The following TPPP variants were observed in gnomAD, a reference collection of about 807,000 sequenced individuals.
TPPP encodes the protein tubulin polymerization promoting protein, also known as tubulin polymerization-promoting protein.
TPPP carries 6 observed loss-of-function variants against 15.5 expected under a neutral mutation model. That is an observed-to-expected ratio of 0.39 (90% CI 0.21 to 0.77). TPPP has a LOEUF of 0.77. TPPP is among the 30% of genes least tolerant of loss of function. TPPP has a pLI of 0.42. For missense variants in TPPP, 269 were observed against 307.2 expected (o/e 0.88, Z 0.93); for synonymous variants, 146 against 133.9 (o/e 1.09, Z -0.63).
intron 2 of TPPP, among the ~76,000 whole-genome samples, chr5:674,714 G>A (rs1409269233): frequency 7.9e-5 from 12 of 151,988 alleles, no homozygotes; most frequent in Admixed American, 7.8e-4. Flanking sequence ...GCTGCTGCAG[G>A]AGGCTGCAGG....
intron 2 of TPPP, among the ~76,000 whole-genome samples, chr5:672,104 G>A (rs564783540): frequency 6.6e-6 from 1 of 152,368 alleles, no homozygotes; most frequent in Admixed American, 6.5e-5. Context: ...CTCCTGGGAG[G>A]TGGTTGGGTT....
intron 2 of TPPP, among the ~76,000 whole-genome samples, chr5:668,073 CT>C (rs1230981314): frequency 0.031 from 627 of 20,114 alleles, 197 homozygotes; most frequent in Non-Finnish European, 0.036. Context: ...GACAAGCACA[CT>C]GGAGAGGGGT....
chr5:671,563 C>T (rs542235882), intron 2 of TPPP, among the ~76,000 whole-genome samples: 1 of 152,346 alleles, frequency 6.6e-6, no homozygotes, highest in South Asian at 2.1e-4. Context: ...TGGCCAAGCG[C>T]AGGAGACGGG....
chr5:678,730 C>G (rs1561089772), intron 1 of TPPP, among the ~76,000 whole-genome samples: 3 of 152,072 alleles, frequency 2.0e-5, no homozygotes, highest in Non-Finnish European at 4.4e-5. Context: ...AGGGCTGAGG[C>G]AGTGGTGGGG....
Position 682,887 on chromosome 5 carries a change from G to T in TPPP, c.-4-4823C>A, listed in dbSNP as rs993586291. On this transcript the variant is annotated intron_variant, in intron 1 of 3. Transcript: ENST00000360578. ...TCAGCAGTGCTGGGTCAAAGCTGGA[G>T]GCAGGAGCCATGGAGTCAGTGGGAG... Among the ~76,000 whole-genome samples, 16 of 152,322 alleles carry T rather than the reference G, an allele frequency of 1.1e-4. 1 individual carries two copies. Among genetic ancestry groups the T allele is most frequent in the Admixed American group, 9.8e-4 (15 of 15,314 alleles).
chr5:667,657 G>A (rs1739977159), intron 2 of TPPP, among the ~76,000 whole-genome samples: 2 of 152,194 alleles, frequency 1.3e-5, no homozygotes, highest in Admixed American at 1.3e-4. Flanking sequence ...CCTGAGAAAG[G>A]ACTTGTCTCT....
intron 1 of TPPP, among the ~76,000 whole-genome samples, chr5:684,258 A>G (rs1414754359): frequency 6.6e-6 from 1 of 152,224 alleles, no homozygotes; most frequent in Admixed American, 6.5e-5. Flanking sequence ...GATCGGGACC[A>G]GGGGGAAGCA....
At chr5:680,502 C>T (rs1360151241) in intron 1 of TPPP, among the ~76,000 whole-genome samples, 1 of 139,890 alleles carries the variant, frequency 7.1e-6, no homozygotes, top group Non-Finnish European at 1.5e-5. Context: ...CGTCAACAGC[C>T]GAGAAGAAGT....
chr5:672,742 G>A (rs999292894), intron 2 of TPPP, among the ~76,000 whole-genome samples: 8 of 152,236 alleles, frequency 5.3e-5, no homozygotes, highest in South Asian at 2.1e-4. Context: ...CCCGTGGTCC[G>A]GTCCCGCCTG....
At chr5:685,550 G>C (rs1386437923) in intron 1 of TPPP, among the ~76,000 whole-genome samples, 4 of 152,218 alleles carry the variant, frequency 2.6e-5, no homozygotes, top group African/African-American at 9.6e-5. Flanking sequence ...CTTCCGGTAA[G>C]GGGGGCAGGG....
chr5:669,364 G>A (rs1004544781), intron 2 of TPPP, among the ~76,000 whole-genome samples: 15 of 152,166 alleles, frequency 9.9e-5, no homozygotes, highest in South Asian at 2.1e-4. Context: ...TGACGCGCTC[G>A]GCGTGGACAC....
chr5:684,995 C>T (rs1446040364), intron 1 of TPPP, among the ~76,000 whole-genome samples: 4 of 152,154 alleles, frequency 2.6e-5, no homozygotes, highest in Non-Finnish European at 5.9e-5. Flanking sequence ...TGCACACGGC[C>T]GGGGCCGCCC....
At chr5:673,915 AG>A (rs1204700039) in intron 2 of TPPP, among the ~76,000 whole-genome samples, 2 of 152,176 alleles carry the variant, frequency 1.3e-5, no homozygotes, top group Non-Finnish European at 2.9e-5. Flanking sequence ...CACCCACCGC[AG>A]GGAGAGTTCT....
At chr5:670,195 G>A (rs139993228) in intron 2 of TPPP, among the ~76,000 whole-genome samples, 32 of 152,284 alleles carry the variant, frequency 2.1e-4, no homozygotes, top group East Asian at 7.8e-4. Flanking sequence ...CTGTTCCTCC[G>A]GGGCGGACGT....
intron 1 of TPPP, among the ~76,000 whole-genome samples, chr5:681,058 G>A (rs753809394): frequency 1.1e-4 from 16 of 152,220 alleles, no homozygotes; most frequent in Admixed American, 1.0e-3. Context: ...GAACATGGAG[G>A]TGTCAGACGG....
At chr5:685,609 C>T (rs1046641920) in intron 1 of TPPP, among the ~76,000 whole-genome samples, 84 of 152,236 alleles carry the variant, frequency 5.5e-4, no homozygotes, top group Non-Finnish European at 1.0e-4. Flanking sequence ...CTCCCTCCGC[C>T]CTCAGAAGAA....
rs1476739100 is a variant in TPPP at position 663,376 on chromosome 5, C to T, written c.*1726G>A. ...GTGAGGTGACATCCTAAAGGAGCCA[C>T]GAAGCCTGAGGTCCATTTTTCCTTG... is the stretch of plus-strand genomic sequence containing the variant. On this transcript the variant is annotated 3_prime_UTR_variant, in exon 4 of 4. Coordinates refer to ENST00000360578, the MANE Select transcript of TPPP (RefSeq NM_007030.3). The T allele has an allele frequency of 6.6e-6, 1 of 152,474 alleles. No individual in the cohort carries two copies. The highest frequency in any genetic ancestry group is 1.9e-4 in the East Asian group (1 of 5,338). 9.4% of individuals were successfully genotyped at this position (152,474 alleles called of 1,614,324 possible).
rs372054975 is a variant in TPPP at position 687,265 on chromosome 5, T to C, written c.-5+6013A>G. Among the ~76,000 whole-genome samples the C allele has an allele frequency of 4.5e-4, 63 of 139,508 alleles. No individual in the cohort carries two copies. The East Asian group carries it at 6.6e-3, about 15-fold the overall frequency. The allele number at this position is 139,508 out of a possible 152,430, so 91.5% of individuals were successfully genotyped here. A position where few individuals can be genotyped will look rare whatever the true frequency, so the allele number is the denominator to read the frequency against. ...CCTGTTGTGTTAACCCCGGACTGTG[T>C]CAATTGTCAGAAGCCTCTGGACACA... On this transcript the variant is annotated intron_variant, in intron 1 of 3. Transcript: ENST00000360578.
In TPPP at chr5:660,226, T is replaced by G. The variant is rs1379855689; in HGVS notation, c.*4876A>C. 1 of 144,624 alleles carries G rather than the reference T, an allele frequency of 6.9e-6. No homozygotes were observed. The highest frequency in any genetic ancestry group is 1.5e-5 in the Non-Finnish European group (1 of 66,806). 9.0% of individuals were successfully genotyped at this position (144,624 alleles called of 1,614,324 possible). ...GCACATATATATATATATATATATA[T>G]ATAAATTTGTTTCCCTTTCTTGAAA... On this transcript the variant is annotated 3_prime_UTR_variant, in exon 4 of 4. Transcript: ENST00000360578.
Sources: gnomAD v4.1 joint callset for allele counts (sites outside exome capture counted in the v4.1 genomes callset) on GRCh38, gnomAD v4.1.1 for gene constraint, MANE v1.5 for transcripts, NCBI Gene and HGNC (gene_info 2026-07-23, HGNC 2026-07-21) for gene names.